DPYD: variants seen among roughly 807,000 people sequenced by gnomAD.
DPYD encodes the protein dihydropyrimidine dehydrogenase.
DPYD carries 109 observed loss-of-function variants against 116.2 expected under a neutral mutation model. The observed-to-expected ratio is 0.94, with a 90% CI of 0.80 to 1.10. The LOEUF is 1.10. DPYD is among the 50% of genes least tolerant of loss of function. The probability of loss-of-function intolerance (pLI) is 0.00; values close to 1 mark genes in which losing one functional copy is unlikely to be tolerated. For synonymous variants in DPYD, 440 were observed against 432.0 expected, an observed-to-expected ratio of 1.02 and a Z score of -0.23; for missense variants, 1,302 against 1,254.5, an observed-to-expected ratio of 1.04 and a Z score of -0.57.
intron 16 of DPYD, 99 bp from the exon 17 acceptor site, chr1:97,306,396 C>G: frequency 2.0e-6 from 3 of 1,478,798 alleles, no homozygotes; most frequent in East Asian, 2.3e-5. Context: ...CAAGACAAAT[C>G]CAACTTGACA....
chr1:97,396,975 ACTTCT>A (rs1403014863), intron 14 of DPYD, among the ~76,000 whole-genome samples: 3 of 152,118 alleles, frequency 2.0e-5, no homozygotes, highest in South Asian at 2.1e-4. Flanking sequence ...TTATTTATAT[ACTTCT>A]CTTCTCTTGT....
chr1:97,203,860 A>G (rs962791093), intron 19 of DPYD, among the ~76,000 whole-genome samples: 1 of 151,464 alleles, frequency 6.6e-6, no homozygotes, highest in Non-Finnish European at 1.5e-5. Flanking sequence ...TAACATGAAA[A>G]TAACATCTCA....
At chr1:97,391,309 A>T (rs1259023005) in intron 14 of DPYD, among the ~76,000 whole-genome samples, 2 of 151,932 alleles carry the variant, frequency 1.3e-5, no homozygotes, top group African/African-American at 4.8e-5. Context: ...TTTGTCCAAA[A>T]CCAAACTTAA....
chr1:97,776,637 C>T lies in DPYD; in HGVS notation c.234-36158G>A, dbSNP rs185899045. 1.2e-3 allele frequency among the ~76,000 whole-genome samples: 182 copies of T among 152,250 alleles called. 2 individuals are homozygous for T. The East Asian group carries it at 0.029, about 24-fold the overall frequency. On this transcript the variant is annotated intron_variant, in intron 3 of 22. Coordinates refer to ENST00000370192, the MANE Select transcript of DPYD (RefSeq NM_000110.4). ...AGTAGTGGAGACCCAGGAAAAAGTC[C>T]TCTGTTTTGCACAGACAATCTAAAA... is the stretch of plus-strand genomic sequence containing the variant.
intron 12 of DPYD, chr1:97,545,727 C>A: frequency 7.7e-7 from 1 of 1,300,978 alleles, no homozygotes; most frequent in Non-Finnish European, 1.1e-6. Context: ...TGGCCCCGAA[C>A]CGTGAAGAAA....
intron 19 of DPYD, among the ~76,000 whole-genome samples, chr1:97,214,774 G>A (rs993925037): frequency 1.3e-5 from 2 of 152,222 alleles, no homozygotes; most frequent in South Asian, 2.1e-4. Flanking sequence ...CCAGTTGGCT[G>A]TCTTGTCTCA....
intron 14 of DPYD, among the ~76,000 whole-genome samples, chr1:97,411,602 T>C (rs1673997372): frequency 6.6e-6 from 1 of 152,146 alleles, no homozygotes; most frequent in African/African-American, 2.4e-5. Flanking sequence ...AAAATATTCA[T>C]TTATCATTGA....
At chr1:97,536,794 C>T (rs1650033837) in intron 12 of DPYD, among the ~76,000 whole-genome samples, 1 of 152,182 alleles carries the variant, frequency 6.6e-6, no homozygotes, top group Non-Finnish European at 1.5e-5. Context: ...CATCTAACAG[C>T]TGGAAAGATG....
rs1397818042 is a variant in DPYD, at chr1:97,467,210, T to C, written c.1741-16987A>G. ...GATCTGCCTGCAAGCAGGCCTCAGA[T>C]AAGGGAGAACTAAGGGCTGAACTTT... On this transcript the variant is annotated intron_variant, in intron 13 of 22. Transcript: ENST00000370192. 1.2e-4 allele frequency among the ~76,000 whole-genome samples: 19 copies of C among 152,200 alleles called. 1 individual carries two copies. Among genetic ancestry groups the C allele is most frequent in the Non-Finnish European group, 1.5e-5 (1 of 68,038 alleles).
At chr1:97,274,843 C>T (rs1664835506) in intron 18 of DPYD, among the ~76,000 whole-genome samples, 1 of 152,060 alleles carries the variant, frequency 6.6e-6, no homozygotes, top group African/African-American at 2.4e-5. Flanking sequence ...AGTTATATGC[C>T]AGGCAAGTCT....
chr1:97,228,086 T>C (rs1293815769), intron 19 of DPYD, among the ~76,000 whole-genome samples: 1 of 151,690 alleles, frequency 6.6e-6, no homozygotes, highest in Non-Finnish European at 1.5e-5. Flanking sequence ...ACATTTATTG[T>C]ATATTTTTCT....
At chr1:97,350,966 A>T (rs1670108980) in intron 16 of DPYD, among the ~76,000 whole-genome samples, 1 of 152,166 alleles carries the variant, frequency 6.6e-6, no homozygotes, top group Non-Finnish European at 1.5e-5. Context: ...ACTATGTTTG[A>T]TGCAATTGGC....
At chr1:97,709,378 A>T (rs1662157814) in intron 5 of DPYD, among the ~76,000 whole-genome samples, 1 of 151,816 alleles carries the variant, frequency 6.6e-6, no homozygotes, top group African/African-American at 2.4e-5. Context: ...TAATATTTTT[A>T]CTTTGTAAGT....
chr1:97,612,804 C>T (rs1212591616), intron 8 of DPYD, among the ~76,000 whole-genome samples: 2 of 151,952 alleles, frequency 1.3e-5, no homozygotes, highest in Non-Finnish European at 2.9e-5. Flanking sequence ...CTCTATGCTG[C>T]CCCCAGTGCT....
intron 2 of DPYD, among the ~76,000 whole-genome samples, chr1:97,860,285 T>C (rs1671053161): frequency 6.6e-6 from 1 of 152,170 alleles, no homozygotes; most frequent in East Asian, 1.9e-4. Flanking sequence ...AGACCCTGTC[T>C]CTACACAGAT....
chr1:97,342,334 A>G (rs1669629925), intron 16 of DPYD, among the ~76,000 whole-genome samples: 1 of 152,134 alleles, frequency 6.6e-6, no homozygotes, highest in African/African-American at 2.4e-5. Context: ...TTTTCAAAGG[A>G]TGGTTGGAAT....
intron 20 of DPYD, among the ~76,000 whole-genome samples, chr1:97,143,148 T>C: frequency 6.6e-6 from 1 of 152,062 alleles, no homozygotes; most frequent in East Asian, 1.9e-4. Flanking sequence ...CTTAATAACA[T>C]GAGCATTTCT....
In DPYD at chr1:97,616,526, T is replaced by C. The variant is rs142475303; in HGVS notation, c.851-21360A>G. Among the ~76,000 whole-genome samples the C allele has an allele frequency of 3.6e-4, 55 of 152,292 alleles. 1 individual carries two copies. The East Asian group carries it at 0.01, about 28-fold the overall frequency. On this transcript the variant is annotated intron_variant, in intron 8 of 22. Coordinates refer to ENST00000370192, the MANE Select transcript of DPYD (RefSeq NM_000110.4). ...GCTGGATACTTACCTATTGTTCACT[T>C]AATTATTCATGCAAACTACTTGGAT...
rs753504491 is a variant in DPYD, at chr1:97,593,344, G to T, written c.1002C>A (p.Val334=). 4 of 1,614,060 alleles carry T rather than the reference G, an allele frequency of 2.5e-6. No individual in the cohort carries two copies. In the South Asian group the frequency reaches 4.4e-5, roughly 18 times the overall value. Residue 334 remains valine, a synonymous_variant, in exon 10 of 23, where the codon GTC becomes GTA. Transcript: ENST00000370192. The part of the protein sequence containing the change: ...CHSPLPSIRG[V]VIVLGAGDTA... ...TGTCTCCAGCTCCAAGTACAATCAC[G>T]ACTCCCCGTATCGATGGCAATGGAG...
Sources: gnomAD v4.1 joint callset for allele counts (sites outside exome capture counted in the v4.1 genomes callset) on GRCh38, gnomAD v4.1.1 for gene constraint, MANE v1.5 for transcripts, NCBI Gene and HGNC (gene_info 2026-07-23, HGNC 2026-07-21) for gene names.